TCERG1L: variants seen among roughly 807,000 people sequenced by gnomAD.
The protein encoded by TCERG1L is transcription elongation regulator 1-like protein.
Under a neutral mutation model 56.3 loss-of-function variants are expected in TCERG1L, and 37 were observed. The observed-to-expected ratio is 0.66, with a 90% CI of 0.51 to 0.87. The LOEUF (loss-of-function observed/expected upper bound fraction) is 0.87. Among genes scored for constraint, TCERG1L ranks in the 40% least tolerant of loss-of-function variants. TCERG1L has a pLI of 0.00. For synonymous variants in TCERG1L, 324 were observed against 326.3 expected, an observed-to-expected ratio of 0.99 and a Z score of 0.08; for missense variants, 799 against 774.2, an observed-to-expected ratio of 1.03 and a Z score of -0.38.
rs1231771659 is a variant in TCERG1L, at chr10:131,267,727, G to A, written c.671-7283C>T. On this transcript the variant is annotated intron_variant, in intron 3 of 11. Transcript: ENST00000368642. The surrounding 1 kb of genome is among the most constrained non-coding windows in gnomAD (Gnocchi z 4.9). ...GGTCCTGCCCAGCCATGCAAGGGTG[G>A]AGGTGGCACAGTTGGCTGCCTTGGG... Among the ~76,000 whole-genome samples, 3 of 152,208 alleles carry A rather than the reference G, an allele frequency of 2.0e-5. No individual in the cohort carries two copies. Among genetic ancestry groups the A allele is most frequent in the Admixed American group, 1.3e-4 (2 of 15,280 alleles).
At chr10:131,257,947 A>C (rs1846191017) in intron 4 of TCERG1L, among the ~76,000 whole-genome samples, 1 of 152,232 alleles carries the variant, frequency 6.6e-6, no homozygotes, top group Admixed American at 6.5e-5. Context: ...TCTGTAGATA[A>C]ATTAAAGGTC....
chr10:131,096,585 A>G (rs1845249236), intron 11 of TCERG1L, among the ~76,000 whole-genome samples: 1 of 152,210 alleles, frequency 6.6e-6, no homozygotes, highest in African/African-American at 2.4e-5. Flanking sequence ...CTTCATAGAA[A>G]GCATCAATTA....
chr10:131,110,903 G>C (rs997130123), intron 9 of TCERG1L, among the ~76,000 whole-genome samples: 4 of 143,112 alleles, frequency 2.8e-5, no homozygotes, highest in African/African-American at 9.9e-5. Context: ...AGGTTATCAC[G>C]GACAGGACAC....
intron 3 of TCERG1L, among the ~76,000 whole-genome samples, chr10:131,274,096 G>C (rs990029519): frequency 1.3e-5 from 2 of 152,204 alleles, no homozygotes; most frequent in Non-Finnish European, 1.5e-5. Flanking sequence ...CGCCCAGGAG[G>C]AAAGTGTCCT....
At chr10:131,175,270 C>T (rs1470941800) in intron 4 of TCERG1L, among the ~76,000 whole-genome samples, 1 of 152,228 alleles carries the variant, frequency 6.6e-6, no homozygotes, top group Non-Finnish European at 1.5e-5. Flanking sequence ...GAGATGACGG[C>T]ACCAGCAACC....
At chr10:131,199,032 T>A (rs1283465593) in intron 4 of TCERG1L, among the ~76,000 whole-genome samples, 1 of 152,180 alleles carries the variant, frequency 6.6e-6, no homozygotes, top group Admixed American at 6.5e-5. Flanking sequence ...CCCTGCGCAG[T>A]GAGCCCCAAG....
At chr10:131,138,501 A>G (rs1845698979) in intron 7 of TCERG1L, among the ~76,000 whole-genome samples, 1 of 152,198 alleles carries the variant, frequency 6.6e-6, no homozygotes, top group Non-Finnish European at 1.5e-5. Context: ...TACAATGCCT[A>G]GCATATCTAC....
At chr10:131,213,472 T>C (rs1845637452) in intron 4 of TCERG1L, among the ~76,000 whole-genome samples, 2 of 152,158 alleles carry the variant, frequency 1.3e-5, no homozygotes, top group Admixed American at 6.5e-5. Context: ...CGTAGTAAAA[T>C]ATCATTGAGC....
At chr10:131,156,432 A>C (rs1845923837) in intron 6 of TCERG1L, 1 of 152,196 alleles carries the variant, frequency 6.6e-6, no homozygotes. Flanking sequence ...GCATAAAATC[A>C]GGAGAGCCAA....
At chr10:131,141,498 C>G (rs924687010) in intron 7 of TCERG1L, among the ~76,000 whole-genome samples, 1 of 152,208 alleles carries the variant, frequency 6.6e-6, no homozygotes, top group Admixed American at 6.5e-5. Flanking sequence ...TGCCCAACAT[C>G]TGCTCATCTT....
chr10:131,221,651 C>T (rs2164945), intron 4 of TCERG1L, among the ~76,000 whole-genome samples: 48 of 152,304 alleles, frequency 3.2e-4, no homozygotes, highest in Non-Finnish European at 6.9e-4. Flanking sequence ...ACACGGATCC[C>T]GGCTCCTCTC....
chr10:131,114,826 T>C (rs1325651991), intron 9 of TCERG1L, among the ~76,000 whole-genome samples: 1 of 152,242 alleles, frequency 6.6e-6, no homozygotes, highest in Non-Finnish European at 1.5e-5. Context: ...GGAATGTTTA[T>C]TCCTCTTTCC....
chr10:131,131,230 C>T (rs1030405862), intron 8 of TCERG1L, among the ~76,000 whole-genome samples: 18 of 152,108 alleles, frequency 1.2e-4, no homozygotes, highest in African/African-American at 4.3e-4. Context: ...TGCAGTGATA[C>T]CACTCAGCAG....
chr10:131,293,435 C>T (rs989494000), intron 3 of TCERG1L, among the ~76,000 whole-genome samples: 1 of 152,080 alleles, frequency 6.6e-6, no homozygotes, highest in Non-Finnish European at 1.5e-5. Flanking sequence ...TCAGCATGAC[C>T]ATAAGCCCCA....
At chr10:131,248,067 C>G (rs1846059109) in intron 4 of TCERG1L, among the ~76,000 whole-genome samples, 2 of 151,798 alleles carry the variant, frequency 1.3e-5, no homozygotes, top group Admixed American at 1.3e-4. Context: ...CACCCACATA[C>G]TCACATGACT....
At chr10:131,094,752 C>A (rs1317414969) in intron 11 of TCERG1L, among the ~76,000 whole-genome samples, 2 of 152,044 alleles carry the variant, frequency 1.3e-5, no homozygotes, top group African/African-American at 4.8e-5. Context: ...CCTTCCTTTA[C>A]TGATGTAACC....
intron 4 of TCERG1L, among the ~76,000 whole-genome samples, chr10:131,240,913 A>G (rs1342099028): frequency 6.6e-6 from 1 of 152,244 alleles, no homozygotes; most frequent in Non-Finnish European, 1.5e-5. Context: ...CTGCAGCGGC[A>G]TCAGGGCCTT....
intron 4 of TCERG1L, among the ~76,000 whole-genome samples, chr10:131,204,850 G>C (rs774722342): frequency 3.3e-5 from 5 of 152,222 alleles, no homozygotes; most frequent in Admixed American, 6.5e-5. Context: ...TGAACAGGCA[G>C]AGGAAGGGAT....
chr10:131,282,606 G>T (rs1298092850), intron 3 of TCERG1L, among the ~76,000 whole-genome samples: 2 of 152,128 alleles, frequency 1.3e-5, no homozygotes, highest in African/African-American at 4.8e-5. Context: ...GTGGAAGCAG[G>T]TTTTAAAAAT....
Sources: gnomAD v4.1 joint callset for allele counts (sites outside exome capture counted in the v4.1 genomes callset) on GRCh38, gnomAD v4.1.1 for gene constraint, Gnocchi (gnomAD v3.1) non-coding constraint, MANE v1.5 for transcripts, NCBI Gene and HGNC (gene_info 2026-07-23, HGNC 2026-07-21) for gene names.